FAT3: variants seen among roughly 807,000 people sequenced by gnomAD.
The protein encoded by FAT3 is protocadherin Fat 3.
FAT3 carries 95 observed loss-of-function variants against 310.2 expected under a neutral mutation model. That is an observed-to-expected ratio of 0.31 (90% CI 0.26 to 0.36). The LOEUF is 0.36. FAT3 is among the 10% of genes least tolerant of loss of function. FAT3 has a pLI of 1.00. For missense variants in FAT3, 5,408 were observed against 5,715.6 expected (o/e 0.95, Z 1.74); for synonymous variants, 2,314 against 2,192.9 (o/e 1.06, Z -1.54).
chr11:92,328,343 T>C (rs1405678954), intron 1 of FAT3, among the ~76,000 whole-genome samples: 2 of 152,154 alleles, frequency 1.3e-5, no homozygotes, highest in African/African-American at 4.8e-5. Context: ...CATCTGGTCC[T>C]CCTGAAAGGG....
intron 15 of FAT3, among the ~76,000 whole-genome samples, chr11:92,836,254 G>A (rs752838908): frequency 7.9e-5 from 12 of 152,130 alleles, no homozygotes; most frequent in African/African-American, 1.9e-4. Flanking sequence ...AAATCAAAGC[G>A]TTCCTGTCCA....
chr11:92,290,544 G>T (rs1047329646), intron 1 of FAT3, among the ~76,000 whole-genome samples: 1 of 151,994 alleles, frequency 6.6e-6, no homozygotes, highest in African/African-American at 2.4e-5. Flanking sequence ...ATCACCAGCG[G>T]TTAGGAGATC....
At chr11:92,226,430 G>T (rs1863911448) in intron 1 of FAT3, among the ~76,000 whole-genome samples, 1 of 151,764 alleles carries the variant, frequency 6.6e-6, no homozygotes, top group Non-Finnish European at 1.5e-5. Flanking sequence ...CGTGCTTGGG[G>T]CAAGGATGCA....
chr11:92,469,593 C>T (rs1400457810), intron 2 of FAT3, among the ~76,000 whole-genome samples: 1 of 152,006 alleles, frequency 6.6e-6, no homozygotes, highest in Admixed American at 6.6e-5. Flanking sequence ...CGGCTCACTG[C>T]AACCTCAGTC....
intron 4 of FAT3, among the ~76,000 whole-genome samples, chr11:92,755,215 TTTTGTTTG>T (rs71305390): frequency 6.6e-6 from 1 of 151,316 alleles, no homozygotes; most frequent in South Asian, 2.1e-4. Context: ...AGAGAGTAGT[TTTTGTTTG>T]TTTGTTTGTT....
chr11:92,336,980 C>G (rs370407280), intron 1 of FAT3, among the ~76,000 whole-genome samples: 1 of 152,132 alleles, frequency 6.6e-6, no homozygotes, highest in African/African-American at 2.4e-5. Context: ...CATCCGCCAG[C>G]CTGTGTGACA....
At chr11:92,849,718 T>C (rs1303902230) in intron 19 of FAT3, among the ~76,000 whole-genome samples, 2 of 152,182 alleles carry the variant, frequency 1.3e-5, no homozygotes, top group Non-Finnish European at 2.9e-5. Context: ...TCACAATAGG[T>C]CTTTACCAGG....
Position 92,417,778 on chromosome 11 carries a change from C to T in FAT3, c.3292+62374C>T, listed in dbSNP as rs541560590. Among the ~76,000 whole-genome samples the T allele has an allele frequency of 2.6e-5, 4 of 152,226 alleles. No homozygotes were observed. The South Asian group carries it at 8.3e-4, about 32-fold the overall frequency. On this transcript the variant is annotated intron_variant, in intron 2 of 27. Transcript: ENST00000525166. ...AACATTTAAAAGTAAAACAAAACAA[C>T]AAAACACATTAAGTAATAGACCCTG...
intron 1 of FAT3, among the ~76,000 whole-genome samples, chr11:92,277,190 C>T (rs1205594789): frequency 1.3e-5 from 2 of 151,982 alleles, no homozygotes; most frequent in African/African-American, 4.8e-5. Context: ...AAGTTAAATG[C>T]CAGGAAAAAA....
Position 92,411,364 on chromosome 11 carries a change from A to G in FAT3, c.3292+55960A>G, listed in dbSNP as rs187804032. 8.8e-4 allele frequency among the ~76,000 whole-genome samples: 133 copies of G among 151,938 alleles called. 1 individual carries two copies. The highest frequency in any genetic ancestry group is 3.0e-3 in the African/African-American group (126 of 41,434). ...GGAATTATGTAAAATACTATGGTGTAAGAGCAGTGTCGAGTGCCCAGAGAA... is the reference window on the plus strand; with the variant it reads ...GGAATTATGTAAAATACTATGGTGTGAGAGCAGTGTCGAGTGCCCAGAGAA... On this transcript the variant is annotated intron_variant, in intron 2 of 27. Coordinates refer to ENST00000525166, the MANE Select transcript of FAT3 (RefSeq NM_001367949.2).
chr11:92,844,579 A>G lies in FAT3; in HGVS notation c.11212A>G (p.Ile3738Val), dbSNP rs1422634745. Reference sequence around the variant, plus strand: ...GGAGAATATCATGCGCATCTCAGCCATCTTGGAGAAGAACTGCTCAGGGCT... The same window carrying G: ...GGAGAATATCATGCGCATCTCAGCCGTCTTGGAGAAGAACTGCTCAGGGCT... ...HLENIMRISA[I>V]LEKNCSGLDC... Residue 3738 changes from isoleucine to valine, a missense_variant, in exon 19 of 28, where the codon ATC becomes GTC. Ile to Val is a conservative substitution (Grantham distance 29, BLOSUM62 3). This residue lies in a region of FAT3 where 4,588 missense variants were observed against 4,809.8 expected (regional missense o/e 0.95). Coordinates refer to ENST00000525166, the MANE Select transcript of FAT3 (RefSeq NM_001367949.2). 5 of 1,613,982 alleles carry G rather than the reference A, an allele frequency of 3.1e-6. No homozygotes were observed. Among genetic ancestry groups the G allele is most frequent in the Non-Finnish European group, 4.2e-6 (5 of 1,179,888 alleles).
intron 3 of FAT3, among the ~76,000 whole-genome samples, chr11:92,564,339 A>G (rs930442218): frequency 6.6e-6 from 1 of 151,242 alleles, no homozygotes; most frequent in South Asian, 2.1e-4. Context: ...AGAGCTAACT[A>G]TCCTAAATAT....
intron 2 of FAT3, among the ~76,000 whole-genome samples, chr11:92,471,950 T>G (rs984528544): frequency 3.4e-5 from 4 of 117,284 alleles, no homozygotes; most frequent in Non-Finnish European, 5.6e-5. Flanking sequence ...TATATATATA[T>G]ATATATTCTG....
At chr11:92,495,199 G>A (rs1460838586) in intron 2 of FAT3, among the ~76,000 whole-genome samples, 1 of 152,026 alleles carries the variant, frequency 6.6e-6, no homozygotes, top group African/African-American at 2.4e-5. Flanking sequence ...GATCCACATA[G>A]CAAAGCAGCG....
chr11:92,889,750 C>G, intron 26 of FAT3, 106 bp from the exon 27 acceptor site: 1 of 688,848 alleles, frequency 1.5e-6, no homozygotes, highest in South Asian at 1.6e-5. Context: ...TCGTAGCCCA[C>G]AGGCCTTTAG....
intron 1 of FAT3, among the ~76,000 whole-genome samples, chr11:92,301,681 G>A (rs954907765): frequency 1.3e-5 from 2 of 152,018 alleles, no homozygotes; most frequent in East Asian, 3.9e-4. Context: ...TATTATTATT[G>A]TTCCTTTATT....
intron 1 of FAT3, among the ~76,000 whole-genome samples, chr11:92,226,149 T>C (rs1390018774): frequency 6.6e-6 from 1 of 151,912 alleles, no homozygotes; most frequent in Non-Finnish European, 1.5e-5. Context: ...AGAGGTGGCC[T>C]GGACCATCTT....
At chr11:92,815,113 C>T (rs1013566559) in intron 13 of FAT3, among the ~76,000 whole-genome samples, 1 of 152,182 alleles carries the variant, frequency 6.6e-6, no homozygotes, top group Non-Finnish European at 1.5e-5. Flanking sequence ...CCATTGAGCA[C>T]ATTTGAGAAA....
At chr11:92,887,848 G>A (rs1002741664) in intron 25 of FAT3, among the ~76,000 whole-genome samples, 2 of 152,208 alleles carry the variant, frequency 1.3e-5, no homozygotes, top group Non-Finnish European at 2.9e-5. Flanking sequence ...TCATAAAACA[G>A]TGAGTGTTTT....
Sources: allele counts gnomAD v4.1 joint callset (sites outside exome capture counted in the v4.1 genomes callset), GRCh38; gene constraint gnomAD v4.1.1; regional missense constraint gnomAD v4.1.1; transcripts MANE v1.5; gene names NCBI Gene and HGNC (gene_info 2026-07-23, HGNC 2026-07-21).